GTF2IRD1: variants seen among roughly 807,000 people sequenced by gnomAD.
GTF2IRD1 encodes the protein general transcription factor II-I repeat domain-containing protein 1.
A neutral mutation model predicts 113.2 loss-of-function variants in GTF2IRD1; 26 were observed. The observed-to-expected ratio is 0.23, with a 90% CI of 0.17 to 0.32. The LOEUF is 0.32. Ranked by LOEUF, GTF2IRD1 falls within the 10% of genes least tolerant of loss-of-function variation. The pLI, the probability that GTF2IRD1 is intolerant of heterozygous loss-of-function variation, is 1.00. For missense variants in GTF2IRD1, 864 were observed against 1,280.8 expected, an observed-to-expected ratio of 0.67 and a Z score of 4.97; for synonymous variants, 484 against 529.1, an observed-to-expected ratio of 0.91 and a Z score of 1.17.
intron 14 of GTF2IRD1, among the ~76,000 whole-genome samples, chr7:74,540,301 C>T (rs1357738428): frequency 6.6e-6 from 1 of 152,056 alleles, no homozygotes; most frequent in Non-Finnish European, 1.5e-5. Flanking sequence ...CATGTGCCAC[C>T]ATGCCTAGCT....
At chr7:74,466,811 T>A (rs1793744079) in intron 1 of GTF2IRD1, among the ~76,000 whole-genome samples, 1 of 152,070 alleles carries the variant, frequency 6.6e-6, no homozygotes, top group African/African-American at 2.4e-5. Context: ...GGCCCCATCA[T>A]CATGTTGTCC....
chr7:74,468,584 C>T (rs547092115), intron 1 of GTF2IRD1, among the ~76,000 whole-genome samples: 10 of 147,534 alleles, frequency 6.8e-5, no homozygotes, highest in African/African-American at 2.3e-4. Flanking sequence ...ACTTGAACCT[C>T]GGAGGCAGAG....
intron 1 of GTF2IRD1, among the ~76,000 whole-genome samples, chr7:74,490,542 A>ACCCC (rs66883639): frequency 7.7e-6 from 1 of 129,840 alleles, no homozygotes; most frequent in Admixed American, 7.9e-5. Flanking sequence ...GAGAAAGGAT[A>ACCCC]CCCCCCCCCC....
Position 74,518,097 on chromosome 7 carries a change from G to T in GTF2IRD1, c.422-42G>T, listed in dbSNP as rs190412619. 4.2e-5 allele frequency: 57 copies of T among 1,372,790 alleles called. No individual in the cohort carries two copies. The African/African-American group carries it at 7.8e-4, about 19-fold the overall frequency. 85.0% of individuals were successfully genotyped at this position (1,372,790 alleles called of 1,614,324 possible). A position where few individuals can be genotyped will look rare whatever the true frequency, so the allele number is the denominator to read the frequency against. ...CAGCAGCCCCGACCCCAGCCTGGCT[G>T]CCCTCTCATACCAGGCCCCTCTCCT... On this transcript the variant is annotated intron_variant, in intron 4 of 26. Coordinates refer to ENST00000424337, the MANE Select transcript of GTF2IRD1 (RefSeq NM_005685.4).
intron 1 of GTF2IRD1, among the ~76,000 whole-genome samples, chr7:74,458,560 G>C (rs574268617): frequency 3.3e-4 from 50 of 152,232 alleles, no homozygotes; most frequent in African/African-American, 1.2e-3. Flanking sequence ...GTATCTCCAG[G>C]TGTGGCAGAG....
intron 22 of GTF2IRD1, among the ~76,000 whole-genome samples, chr7:74,580,269 G>A (rs879947786): frequency 6.6e-6 from 1 of 152,202 alleles, no homozygotes; most frequent in Non-Finnish European, 1.5e-5. Flanking sequence ...GCTCTGTGAA[G>A]TGGTTCAGGA....
chr7:74,463,817 G>A (rs868924034), intron 1 of GTF2IRD1, among the ~76,000 whole-genome samples: 2 of 150,848 alleles, frequency 1.3e-5, no homozygotes, highest in African/African-American at 4.9e-5. Context: ...TCCGCCTCCC[G>A]GGTTCAGTTG....
chr7:74,471,716 G>A (rs371130726), intron 1 of GTF2IRD1, among the ~76,000 whole-genome samples: 3 of 149,104 alleles, frequency 2.0e-5, no homozygotes, highest in East Asian at 2.0e-4. Context: ...AAAAACGGCC[G>A]GGTGCGGTGG....
intron 14 of GTF2IRD1, among the ~76,000 whole-genome samples, chr7:74,541,534 G>A (rs782329766): frequency 2.0e-5 from 3 of 152,132 alleles, no homozygotes; most frequent in Non-Finnish European, 4.4e-5. Context: ...GCTGAGGTAG[G>A]AGGATTGATT....
At chr7:74,587,861 T>C (rs1801806202) in intron 22 of GTF2IRD1, among the ~76,000 whole-genome samples, 2 of 152,050 alleles carry the variant, frequency 1.3e-5, no homozygotes, top group African/African-American at 2.4e-5. Context: ...AAGCAGCAGA[T>C]AGGCCGTGAC....
At chr7:74,576,617 C>CTTTTTTTTTTTTTT (rs1165378230) in intron 22 of GTF2IRD1, among the ~76,000 whole-genome samples, 1 of 49,350 alleles carries the variant, frequency 2.0e-5, no homozygotes, top group Non-Finnish European at 3.5e-5. Flanking sequence ...ATTTCCTTGT[C>CTTTTTTTTTTTTTT]TTTTTTTTTT....
chr7:74,590,057 T>G, intron 23 of GTF2IRD1, 129 bp downstream of exon 23: 2 of 626,360 alleles, frequency 3.2e-6, no homozygotes, highest in Non-Finnish European at 5.8e-6. Flanking sequence ...ACATGGCTGC[T>G]CTGCCCATGA....
chr7:74,548,038 C>T (rs1583855840), intron 17 of GTF2IRD1, among the ~76,000 whole-genome samples: 1 of 152,170 alleles, frequency 6.6e-6, no homozygotes. Flanking sequence ...CAGGCTGTTT[C>T]TGTTTCCTTG....
intron 8 of GTF2IRD1, among the ~76,000 whole-genome samples, chr7:74,528,933 G>A (rs1468116463): frequency 1.5e-5 from 2 of 135,460 alleles, no homozygotes; most frequent in East Asian, 2.5e-4. Context: ...ACGGACAACC[G>A]GGTGGATGGG....
intron 25 of GTF2IRD1, among the ~76,000 whole-genome samples, chr7:74,597,135 C>T (rs13238648): frequency 3.2e-4 from 48 of 151,290 alleles, no homozygotes; most frequent in African/African-American, 9.7e-4. Flanking sequence ...CTCCGACTCC[C>T]GGGTTCAAGT....
Position 74,555,556 on chromosome 7 carries a change from T to C in GTF2IRD1, c.2023+62T>C. On this transcript the variant is annotated intron_variant, in intron 19 of 26. Transcript: ENST00000424337. This position sits in a 1 kb window ranked among gnomAD's most constrained non-coding sequence, Gnocchi z 5.3. ...CACCAGGACATTGACCTGGTTTGGG[T>C]TTGGAGGGCCAGGCTGGAAGTGGGG... 1.3e-5 allele frequency: 14 copies of C among 1,096,214 alleles called. No individual in the cohort carries two copies. The highest frequency in any genetic ancestry group is 1.8e-5 in the Non-Finnish European group (13 of 715,592). The allele number at this position is 1,096,214 out of a possible 1,614,324, so 67.9% of individuals were successfully genotyped here.
At chr7:74,493,317 T>A in intron 1 of GTF2IRD1, among the ~76,000 whole-genome samples, 1 of 151,380 alleles carries the variant, frequency 6.6e-6, no homozygotes, top group East Asian at 2.0e-4. Context: ...TCACTATGTT[T>A]CCCAGGCTGG....
intron 11 of GTF2IRD1, 26 bp from the exon 12 acceptor site, chr7:74,538,110 G>A (rs781908847): frequency 1.2e-6 from 2 of 1,611,114 alleles, no homozygotes; most frequent in South Asian, 2.2e-5. Flanking sequence ...TGGCTGACAG[G>A]TGTCATTTCC....
intron 24 of GTF2IRD1, among the ~76,000 whole-genome samples, chr7:74,593,916 T>A (rs781956783): frequency 6.7e-6 from 1 of 149,090 alleles, no homozygotes; most frequent in East Asian, 2.0e-4. Flanking sequence ...AAAATAAAAA[T>A]AGGCTGGGCG....
Sources: gnomAD v4.1 joint callset for allele counts (sites outside exome capture counted in the v4.1 genomes callset) on GRCh38, gnomAD v4.1.1 for gene constraint, Gnocchi (gnomAD v3.1) non-coding constraint, MANE v1.5 for transcripts, NCBI Gene and HGNC (gene_info 2026-07-23, HGNC 2026-07-21) for gene names.